STXBP5L: variants seen among roughly 807,000 people sequenced by gnomAD.
STXBP5L encodes syntaxin-binding protein 5-like.
Under a neutral mutation model 144.5 loss-of-function variants are expected in STXBP5L, and 65 were observed. The ratio of observed to expected loss-of-function variants is 0.45; its 90% CI spans 0.37 to 0.55. The LOEUF (loss-of-function observed/expected upper bound fraction) is 0.55. Among genes scored for constraint, STXBP5L ranks in the 20% least tolerant of loss-of-function variants. The pLI is 0.00. For synonymous variants in STXBP5L, 505 were observed against 469.6 expected, an observed-to-expected ratio of 1.08 and a Z score of -0.97; for missense variants, 1,298 against 1,405.5, an observed-to-expected ratio of 0.92 and a Z score of 1.22.
intron 18 of STXBP5L, among the ~76,000 whole-genome samples, chr3:121,272,187 G>A (rs1046737790): frequency 6.6e-6 from 1 of 152,046 alleles, no homozygotes; most frequent in African/African-American, 2.4e-5. Flanking sequence ...CTGATTTTTT[G>A]TCTAGATAAT....
intron 19 of STXBP5L, among the ~76,000 whole-genome samples, chr3:121,315,947 G>T (rs1008739992): frequency 1.5e-4 from 23 of 151,192 alleles, no homozygotes; most frequent in Non-Finnish European, 3.4e-4. Context: ...AGGTTGCAGT[G>T]AGCCGAGATT....
intron 5 of STXBP5L, among the ~76,000 whole-genome samples, chr3:121,108,624 T>C (rs2043825736): frequency 1.3e-5 from 2 of 152,286 alleles, no homozygotes; most frequent in South Asian, 4.1e-4. Context: ...TGCCAGTATT[T>C]TATTGAGGGT....
intron 2 of STXBP5L, among the ~76,000 whole-genome samples, chr3:120,954,320 A>C (rs899100815): frequency 6.6e-6 from 1 of 152,138 alleles, no homozygotes; most frequent in Admixed American, 6.6e-5. Flanking sequence ...CCAAATTGCT[A>C]TGAAAATACA....
chr3:121,121,646 C>T lies in STXBP5L; in HGVS notation c.611C>T (p.Thr204Ile), dbSNP rs1195675479. The T allele has an allele frequency of 1.9e-6, 3 of 1,602,566 alleles. No homozygotes were observed. Among genetic ancestry groups the T allele is most frequent in the Non-Finnish European group, 1.7e-6 (2 of 1,171,788 alleles). Residue 204 changes from threonine (T) to isoleucine (I), a missense_variant, in exon 7 of 27, where the codon ACT becomes ATT. Thr to Ile is a moderately conservative substitution (Grantham distance 89). Transcript: ENST00000471454. The stretch of plus-strand genomic sequence containing the variant: ...GTTTTGAATTGATTTAACAGATCCA[C>T]TAAGACTCATCCAGGTCCAGTTGTA... ...IMWNKAIELS[T>I]KTHPGPVVHL...
chr3:121,128,319 T>A (rs2107883061), intron 7 of STXBP5L, among the ~76,000 whole-genome samples: 2 of 152,122 alleles, frequency 1.3e-5, no homozygotes, highest in South Asian at 4.2e-4. Context: ...AAAGTAGAGA[T>A]GTCAGAGTCT....
chr3:121,324,759 C>A (rs2044088749), intron 20 of STXBP5L, among the ~76,000 whole-genome samples: 1 of 152,064 alleles, frequency 6.6e-6, no homozygotes, highest in Non-Finnish European at 1.5e-5. Context: ...AGAGACACTT[C>A]ATGAGATATG....
intron 20 of STXBP5L, among the ~76,000 whole-genome samples, chr3:121,371,450 C>A (rs1294474211): frequency 2.0e-5 from 3 of 152,210 alleles, no homozygotes; most frequent in Non-Finnish European, 2.9e-5. Context: ...ACCATGGAGA[C>A]AAAGCACTTC....
At chr3:121,257,132 A>T (rs746335456) in intron 16 of STXBP5L, 29 bp from the exon 17 acceptor site, 1 of 1,517,106 alleles carries the variant, frequency 6.6e-7, no homozygotes, top group Non-Finnish European at 9.0e-7. Context: ...AGTGTGACTT[A>T]AATTAAATTT....
intron 5 of STXBP5L, among the ~76,000 whole-genome samples, chr3:121,061,724 G>T (rs1011146700): frequency 6.6e-6 from 1 of 152,176 alleles, no homozygotes; most frequent in Non-Finnish European, 1.5e-5. Flanking sequence ...ATTATGTAAT[G>T]CCCTTCTTTG....
chr3:120,948,007 T>C (rs1417759801), intron 2 of STXBP5L, among the ~76,000 whole-genome samples: 6 of 151,818 alleles, frequency 4.0e-5, no homozygotes. Flanking sequence ...CTGTATTTCA[T>C]ATATTGAGGA....
rs752440715 is a variant in STXBP5L at position 121,255,063 on chromosome 3, A to G, written c.1610A>G (p.Tyr537Cys). The G allele has an allele frequency of 3.7e-6, 6 of 1,606,830 alleles. No homozygotes were observed. The African/African-American group carries it at 6.7e-5, about 18-fold the overall frequency. Residue 537 changes from tyrosine (Y) to cysteine (C), a missense_variant, in exon 16 of 27, where the codon TAT becomes TGT. Tyr to Cys is a radical substitution (Grantham distance 194). Transcript: ENST00000471454. ...TTCTGTGTATCAGGAGTCTCTGCAT[A>G]TGTCATAATTTATAAATTCAGCAGA... ...RIFCVSGVSA[Y>C]VIIYKFSRHE...
At chr3:121,006,005 G>A (rs140378335) in intron 3 of STXBP5L, among the ~76,000 whole-genome samples, 292 of 152,286 alleles carry the variant, frequency 1.9e-3, no homozygotes, top group Non-Finnish European at 3.0e-3. Context: ...GTATGGTGTG[G>A]TGCTGAAAAG....
intron 18 of STXBP5L, among the ~76,000 whole-genome samples, chr3:121,273,577 T>C (rs761243815): frequency 6.6e-6 from 1 of 152,174 alleles, no homozygotes; most frequent in Non-Finnish European, 1.5e-5. Context: ...TCAACCATTA[T>C]TTCTTTAAAT....
chr3:121,223,192 A>G (rs773492124), intron 11 of STXBP5L, 35 bp downstream of exon 11: 53 of 1,553,868 alleles, frequency 3.4e-5, no homozygotes, highest in Non-Finnish European at 4.4e-5. Context: ...AATGTTGAAA[A>G]TCATTTTGGA....
chr3:121,125,073 A>G (rs773974232), intron 7 of STXBP5L, among the ~76,000 whole-genome samples: 3 of 152,172 alleles, frequency 2.0e-5, no homozygotes, highest in Non-Finnish European at 2.9e-5. Context: ...ACATATTTGT[A>G]TTTCTGGGAT....
chr3:120,988,061 G>T (rs1942474480), intron 3 of STXBP5L, among the ~76,000 whole-genome samples: 1 of 149,304 alleles, frequency 6.7e-6, no homozygotes, highest in Admixed American at 6.7e-5. Context: ...TGGTTTTTCA[G>T]GTATATTTAT....
chr3:120,983,236 T>A (rs1216798838), intron 3 of STXBP5L, among the ~76,000 whole-genome samples: 1 of 151,932 alleles, frequency 6.6e-6, no homozygotes, highest in Non-Finnish European at 1.5e-5. Flanking sequence ...AGAGTGGTGC[T>A]GGCTTCAGTG....
At chr3:121,389,899 C>G (rs1013909820) in intron 22 of STXBP5L, among the ~76,000 whole-genome samples, 2 of 152,038 alleles carry the variant, frequency 1.3e-5, no homozygotes, top group Non-Finnish European at 2.9e-5. Context: ...ATGTCTATTA[C>G]GTCTGCTTGT....
At chr3:121,344,130 G>C (rs894645605) in intron 20 of STXBP5L, among the ~76,000 whole-genome samples, 39 of 151,868 alleles carry the variant, frequency 2.6e-4, no homozygotes, top group South Asian at 4.2e-4. Flanking sequence ...ACAAACCTGA[G>C]AAAAACAAGC....
Sources: allele counts gnomAD v4.1 joint callset (sites outside exome capture counted in the v4.1 genomes callset), GRCh38; gene constraint gnomAD v4.1.1; transcripts MANE v1.5; gene names NCBI Gene and HGNC (gene_info 2026-07-23, HGNC 2026-07-21).